The following SRGAP3 variants were observed in gnomAD, a reference collection of about 807,000 sequenced individuals.
SRGAP3 encodes SLIT-ROBO Rho GTPase-activating protein 3.
In SRGAP3, 39 loss-of-function variants were observed where a neutral mutation model predicts 121.1. That is an observed-to-expected ratio of 0.32 (90% CI 0.25 to 0.42). The LOEUF (loss-of-function observed/expected upper bound fraction) is 0.42, where lower values mean the gene tolerates loss of function less well. Among genes scored for constraint, SRGAP3 ranks in the 10% least tolerant of loss-of-function variants. The pLI is 1.00. For synonymous variants in SRGAP3, 601 were observed against 570.0 expected (o/e 1.05, Z -0.77); for missense variants, 1,213 against 1,470.6 (o/e 0.82, Z 2.86).
chr3:9,158,178 G>C (rs773199541), intron 1 of SRGAP3, among the ~76,000 whole-genome samples: 14 of 152,180 alleles, frequency 9.2e-5, no homozygotes, highest in Non-Finnish European at 1.8e-4. Flanking sequence ...CCAAATCAGG[G>C]CTTCTCTCCG....
chr3:9,316,778 C>T (rs1955354471), intron 3 of SRGAP3, among the ~76,000 whole-genome samples: 1 of 152,106 alleles, frequency 6.6e-6, no homozygotes, highest in South Asian at 2.1e-4. Context: ...ATCAACTATC[C>T]AAGCAATTTC....
intron 1 of SRGAP3, among the ~76,000 whole-genome samples, chr3:9,344,905 C>T (rs1170242263): frequency 6.6e-6 from 1 of 150,968 alleles, no homozygotes; most frequent in Admixed American, 6.6e-5. Context: ...GGTGTGGTGG[C>T]GTGCGCCTGT....
At chr3:9,062,415 A>T (rs951275259) in intron 5 of SRGAP3, among the ~76,000 whole-genome samples, 2 of 151,848 alleles carry the variant, frequency 1.3e-5, no homozygotes, top group African/African-American at 2.4e-5. Context: ...ATTTTATTTT[A>T]TTTTTATTTA....
intron 1 of SRGAP3, among the ~76,000 whole-genome samples, chr3:9,342,291 C>T (rs1486916673): frequency 6.6e-6 from 1 of 150,906 alleles, no homozygotes; most frequent in Non-Finnish European, 1.5e-5. Flanking sequence ...GCAGAGGTTG[C>T]AGTGAGCTGA....
chr3:9,249,969 T>C (rs972781661), upstream of SRGAP3, among the ~76,000 whole-genome samples: 1 of 152,222 alleles, frequency 6.6e-6, no homozygotes, highest in Admixed American at 6.5e-5. Flanking sequence ...TTTGTCACTC[T>C]ACTGGGATAG....
At chr3:9,053,690 C>G (rs1247105177) in intron 8 of SRGAP3, among the ~76,000 whole-genome samples, 1 of 152,216 alleles carries the variant, frequency 6.6e-6, no homozygotes, top group South Asian at 2.1e-4. Flanking sequence ...AACAAACTCT[C>G]CAGGTATCTG....
intron 14 of SRGAP3, among the ~76,000 whole-genome samples, chr3:9,023,151 G>C (rs1944010266): frequency 1.3e-5 from 2 of 152,232 alleles, no homozygotes; most frequent in Non-Finnish European, 2.9e-5. Context: ...GCACCATGCA[G>C]TGAGTTTGCC....
At chr3:9,176,658 G>A (rs558518983) in intron 1 of SRGAP3, among the ~76,000 whole-genome samples, 1 of 152,308 alleles carries the variant, frequency 6.6e-6, no homozygotes, top group Non-Finnish European at 1.5e-5. Context: ...GCCTCAGGAG[G>A]CTTCCAATCA....
At chr3:9,038,213 A>G (rs1327671251) in intron 10 of SRGAP3, 123 bp from the exon 11 acceptor site, 8 of 1,330,186 alleles carry the variant, frequency 6.0e-6, no homozygotes, top group Non-Finnish European at 7.3e-6. Flanking sequence ...AAATCTAATT[A>G]TGCCTAAGGT....
chr3:9,338,911 T>C (rs766076499), intron 1 of SRGAP3, among the ~76,000 whole-genome samples: 49 of 152,170 alleles, frequency 3.2e-4, no homozygotes, highest in Admixed American at 8.5e-4. Context: ...GCTGAAGGTA[T>C]CCATACACAG....
intron 3 of SRGAP3, among the ~76,000 whole-genome samples, chr3:9,279,365 G>T (rs1440334799): frequency 6.6e-6 from 1 of 152,110 alleles, no homozygotes; most frequent in African/African-American, 2.4e-5. Flanking sequence ...AAGTGACAGA[G>T]GATAGGATGG....
intron 14 of SRGAP3, among the ~76,000 whole-genome samples, chr3:9,018,507 G>A (rs955025809): frequency 2.0e-5 from 3 of 152,002 alleles, no homozygotes; most frequent in East Asian, 3.9e-4. Flanking sequence ...CTGCATCCTC[G>A]TCAGCATCTG....
At chr3:9,022,665 C>G (rs1186926225) in intron 14 of SRGAP3, among the ~76,000 whole-genome samples, 1 of 152,044 alleles carries the variant, frequency 6.6e-6, no homozygotes, top group African/African-American at 2.4e-5. Flanking sequence ...AGCGGCCAAC[C>G]CAGAAAATCC....
chr3:9,089,743 G>A (rs903527336), intron 3 of SRGAP3, among the ~76,000 whole-genome samples: 5 of 152,180 alleles, frequency 3.3e-5, no homozygotes, highest in Non-Finnish European at 7.4e-5. Flanking sequence ...GGTGGAACAG[G>A]CTCCTGTTTG....
intron 3 of SRGAP3, among the ~76,000 whole-genome samples, chr3:9,309,105 T>A (rs1205067318): frequency 1.3e-5 from 2 of 152,202 alleles, no homozygotes; most frequent in Non-Finnish European, 2.9e-5. Flanking sequence ...GATGCTCCTT[T>A]TGGGGACTCA....
intron 2 of SRGAP3, among the ~76,000 whole-genome samples, chr3:9,112,556 G>T (rs143412196): frequency 6.6e-6 from 1 of 152,154 alleles, no homozygotes; most frequent in African/African-American, 2.4e-5. Flanking sequence ...AAATGGCAGC[G>T]GGAAGAAGGG....
intron 9 of SRGAP3, 47 bp from the exon 10 acceptor site, chr3:9,047,522 A>C: frequency 6.3e-7 from 1 of 1,575,156 alleles, no homozygotes; most frequent in Non-Finnish European, 8.7e-7. Flanking sequence ...AAGGCCGAGT[A>C]ATGGGATCTC....
At chr3:9,272,035 G>T (rs938367735) in intron 3 of SRGAP3, among the ~76,000 whole-genome samples, 1 of 152,100 alleles carries the variant, frequency 6.6e-6, no homozygotes, top group Non-Finnish European at 1.5e-5. Flanking sequence ...GTCCAAAACC[G>T]GTTACAACTT....
chr3:8,994,932 T>C (rs1942298858), intron 18 of SRGAP3, among the ~76,000 whole-genome samples: 1 of 152,226 alleles, frequency 6.6e-6, no homozygotes, highest in Admixed American at 6.5e-5. Flanking sequence ...TAATTTTTAA[T>C]CTTTTGAGAG....
Sources: allele counts gnomAD v4.1 joint callset (sites outside exome capture counted in the v4.1 genomes callset), GRCh38; gene constraint gnomAD v4.1.1; transcripts MANE v1.5; gene names NCBI Gene and HGNC (gene_info 2026-07-23, HGNC 2026-07-21).